The following COMMD9 variants were observed in gnomAD, a reference collection of about 807,000 sequenced individuals.
COMMD9 encodes the protein COMM domain containing 9.
COMMD9 carries 22 observed loss-of-function variants against 23.4 expected under a neutral mutation model. The observed-to-expected ratio is 0.94, with a 90% confidence interval of 0.67 to 1.34. The LOEUF (loss-of-function observed/expected upper bound fraction) is 1.34, where lower values mean the gene tolerates loss of function less well. Among genes scored for constraint, COMMD9 ranks in the 40% most tolerant of loss-of-function variants. The pLI is 0.00. For synonymous variants in COMMD9, 99 were observed against 97.4 expected, an observed-to-expected ratio of 1.02 and a Z score of -0.10; for missense variants, 231 against 240.2, an observed-to-expected ratio of 0.96 and a Z score of 0.25.
In COMMD9 at chr11:36,273,283, A is replaced by G. The variant is rs926153724; in HGVS notation, c.*1349T>C. ...ACACAAACTAGCAGAGAAGCTGCCAAAACAAAGCACTCCAAGAGCAGGCTG... is the reference window on the plus strand; with the variant it reads ...ACACAAACTAGCAGAGAAGCTGCCAGAACAAAGCACTCCAAGAGCAGGCTG... On this transcript the variant is annotated 3_prime_UTR_variant, in exon 6 of 6. Coordinates refer to ENST00000263401, the MANE Select transcript of COMMD9 (RefSeq NM_014186.4). 4 of 152,156 alleles carry G rather than the reference A, an allele frequency of 2.6e-5. No individual in the cohort carries two copies. Among genetic ancestry groups the G allele is most frequent in the African/African-American group, 9.7e-5 (4 of 41,424 alleles). 9.4% of individuals were successfully genotyped at this position (152,156 alleles called of 1,614,324 possible).
At chr11:36,279,547 C>T (rs1045198170) in intron 2 of COMMD9, among the ~76,000 whole-genome samples, 1 of 152,198 alleles carries the variant, frequency 6.6e-6, no homozygotes, top group African/African-American at 2.4e-5. Context: ...TCTCTGTTCT[C>T]CCGGGGAACA....
In COMMD9 at chr11:36,274,446, G is replaced by A. The variant is rs1294461840; in HGVS notation, c.*186C>T. ...CTTCAGAAAGAGAAAGAAGATGAGT[G>A]AGAACAGCGGGGGATCTGGCTGCTT... On this transcript the variant is annotated 3_prime_UTR_variant, in exon 6 of 6. Transcript: ENST00000263401. The A allele has an allele frequency of 1.3e-6, 1 of 782,914 alleles. No homozygotes were observed. The highest frequency in any genetic ancestry group is 2.5e-5 in the East Asian group (1 of 39,558). The allele number at this position is 782,914 out of a possible 1,614,324, so 48.5% of individuals were successfully genotyped here.
intron 2 of COMMD9, among the ~76,000 whole-genome samples, chr11:36,280,183 A>G (rs1290400683): frequency 1.3e-5 from 2 of 152,368 alleles, no homozygotes; most frequent in Middle Eastern, 3.4e-3. Flanking sequence ...TGCCTTGGAA[A>G]GATAAGGCTG....
intron 4 of COMMD9, 186 bp downstream of exon 4, chr11:36,276,903 A>G (rs1855981168): frequency 2.4e-6 from 1 of 414,348 alleles, no homozygotes; most frequent in African/African-American, 2.1e-5. Flanking sequence ...TGCCTATATA[A>G]TAATGTTTAT....
At position 36,272,701 on chromosome 11, in the gene COMMD9, T is replaced by A. The variant is rs1295615397; in HGVS notation, c.*1931A>T. ...CTTGGAATTTTTTTTCCCTTGACCT[T>A]CCTCGTATCTCACTGGGTAGGCAGA... is the stretch of plus-strand genomic sequence containing the variant. On this transcript the variant is annotated 3_prime_UTR_variant, in exon 6 of 6. Coordinates refer to ENST00000263401, the MANE Select transcript of COMMD9 (RefSeq NM_014186.4). 6.6e-6 allele frequency: 1 copy of A among 152,208 alleles called. No homozygotes were observed. The highest frequency in any genetic ancestry group is 2.4e-5 in the African/African-American group (1 of 41,452). 9.4% of individuals were successfully genotyped at this position (152,208 alleles called of 1,614,324 possible).
intron 2 of COMMD9, 69 bp downstream of exon 2, chr11:36,280,643 T>C (rs190718609): frequency 6.9e-7 from 1 of 1,458,208 alleles, no homozygotes; most frequent in Admixed American, 2.4e-5. Context: ...GACATGGCAA[T>C]GACTGGGAAG....
At chr11:36,275,265 G>T (rs1307714739) in intron 5 of COMMD9, among the ~76,000 whole-genome samples, 3 of 152,044 alleles carry the variant, frequency 2.0e-5, no homozygotes, top group African/African-American at 7.2e-5. Flanking sequence ...TAACTTTCTG[G>T]GTGTCTGGTT....
intron 2 of COMMD9, among the ~76,000 whole-genome samples, chr11:36,280,502 C>A (rs1377054944): frequency 6.6e-6 from 1 of 152,220 alleles, no homozygotes; most frequent in African/African-American, 2.4e-5. Flanking sequence ...GGCTTTTGTT[C>A]CACATTGTCT....
At chr11:36,274,833 G>C in intron 5 of COMMD9, 61 bp from the exon 6 acceptor site, 2 of 1,599,588 alleles carry the variant, frequency 1.3e-6, no homozygotes, top group Non-Finnish European at 1.7e-6. Context: ...CCCTGTAAGT[G>C]AGCCCTGAAC....
At position 36,274,142 on chromosome 11, in the gene COMMD9, C is replaced by T. The variant is rs927991293; in HGVS notation, c.*490G>A. ...GGGCTCAGGGAACACTCTGGATGGA[C>T]CATGCTCTGTGGGCTCTGCCTGGCT... is the stretch of plus-strand genomic sequence containing the variant. On this transcript the variant is annotated 3_prime_UTR_variant, in exon 6 of 6. Coordinates refer to ENST00000263401, the MANE Select transcript of COMMD9 (RefSeq NM_014186.4). 2 of 416,228 alleles carry T rather than the reference C, an allele frequency of 4.8e-6. No homozygotes were observed. The highest frequency in any genetic ancestry group is 9.7e-6 in the Non-Finnish European group (2 of 205,710). 25.8% of individuals were successfully genotyped at this position (416,228 alleles called of 1,614,324 possible).
intron 1 of COMMD9, 81 bp from the exon 2 acceptor site, chr11:36,280,918 A>T: frequency 1.5e-6 from 2 of 1,357,834 alleles, no homozygotes; most frequent in Non-Finnish European, 2.0e-6. Context: ...TCTTTGTCAT[A>T]CATGATACCT....
At chr11:36,280,859 G>GA in intron 1 of COMMD9, 22 bp from the exon 2 acceptor site, 1 of 1,508,544 alleles carries the variant, frequency 6.6e-7, no homozygotes, top group African/African-American at 1.4e-5. Flanking sequence ...ATCACAGATA[G>GA]GAAAAAAAAA....
intron 1 of COMMD9, among the ~76,000 whole-genome samples, chr11:36,282,751 G>A (rs908687850): frequency 1.3e-5 from 2 of 152,224 alleles, no homozygotes; most frequent in African/African-American, 4.8e-5. Flanking sequence ...GGGTATGTAA[G>A]AGGGGATTTA....
rs1590391789 is a variant in COMMD9 at position 36,272,569 on chromosome 11, C to G, written c.*2063G>C. On this transcript the variant is annotated 3_prime_UTR_variant, in exon 6 of 6. Coordinates refer to ENST00000263401, the MANE Select transcript of COMMD9 (RefSeq NM_014186.4). ...TCTGAGCTCAACTGGAGGGTATGAC[C>G]AGGGGCTCTCAACTTGGAAGTAGCG... 1 of 152,340 alleles carries G rather than the reference C, an allele frequency of 6.6e-6. No individual in the cohort carries two copies. Among genetic ancestry groups the G allele is most frequent in the Non-Finnish European group, 1.5e-5 (1 of 68,048 alleles). The allele number at this position is 152,340 out of a possible 1,614,324, so 9.4% of individuals were successfully genotyped here.
intron 1 of COMMD9, among the ~76,000 whole-genome samples, chr11:36,282,652 A>C (rs1470015468): frequency 6.6e-6 from 1 of 152,260 alleles, no homozygotes; most frequent in Non-Finnish European, 1.5e-5. Context: ...GGTTAAAATA[A>C]ATTATCTAAA....
intron 1 of COMMD9, among the ~76,000 whole-genome samples, chr11:36,288,300 C>T (rs530405684): frequency 6.7e-6 from 1 of 150,060 alleles, no homozygotes; most frequent in African/African-American, 2.5e-5. Flanking sequence ...TTACATGGAC[C>T]GATGATGATG....
In COMMD9 at chr11:36,274,654, A is replaced by T; in HGVS notation, c.575T>A (p.Leu192His). 1.2e-6 allele frequency: 2 copies of T among 1,614,206 alleles called. No individual in the cohort carries two copies. The highest frequency in any genetic ancestry group is 3.3e-5 in the Admixed American group (2 of 60,032). ...GGATCATTTACTGGCCACGGCAGAG[A>T]GTTGGTCTCGGATGCGGCCCAGGCC... Reference protein sequence around the residue: ...LDGLGRIRDQLSAVASK With the variant: ...LDGLGRIRDQHSAVASK The change falls in exon 6 of 6, where the codon CTC (leucine) becomes CAC (histidine). Residue 192 changes from leucine to histidine, a missense_variant. By Grantham distance (99) the Leu-to-His change is moderately conservative. Transcript: ENST00000263401.
chr11:36,283,746 A>C (rs528806130), intron 1 of COMMD9, among the ~76,000 whole-genome samples: 1 of 152,342 alleles, frequency 6.6e-6, no homozygotes, highest in South Asian at 2.1e-4. Flanking sequence ...TAAATGGTCT[A>C]AGTGTACCAA....
intron 1 of COMMD9, among the ~76,000 whole-genome samples, chr11:36,287,512 A>T (rs1565360760): frequency 6.6e-6 from 1 of 151,140 alleles, no homozygotes; most frequent in Non-Finnish European, 1.5e-5. Context: ...ATCCTGCAGA[A>T]CTGAGGGAAA....
Sources: gnomAD v4.1 joint callset for allele counts (sites outside exome capture counted in the v4.1 genomes callset) on GRCh38, gnomAD v4.1.1 for gene constraint, MANE v1.5 for transcripts, NCBI Gene and HGNC (gene_info 2026-07-23, HGNC 2026-07-21) for gene names.